The following CDNF variants were observed in gnomAD, a reference collection of about 807,000 sequenced individuals.
CDNF encodes the protein cerebral dopamine neurotrophic factor.
A neutral mutation model predicts 14.8 loss-of-function variants in CDNF; 9 were observed. The observed-to-expected ratio is 0.61, with a 90% CI of 0.37 to 1.06. The LOEUF (loss-of-function observed/expected upper bound fraction) is 1.06. Among genes scored for constraint, CDNF ranks in the 50% least tolerant of loss-of-function variants. The probability of loss-of-function intolerance (pLI) is 0.01; values close to 1 mark genes in which losing one functional copy is unlikely to be tolerated. For synonymous variants in CDNF, 86 were observed against 87.2 expected, an observed-to-expected ratio of 0.99 and a Z score of 0.07; for missense variants, 228 against 228.4, an observed-to-expected ratio of 1.00 and a Z score of 0.01.
Position 14,828,149 on chromosome 10 carries a change from C to A in CDNF, c.239G>T (p.Arg80Leu). 6.2e-7 allele frequency: 1 copy of A among 1,613,600 alleles called. No individual in the cohort carries two copies. Among genetic ancestry groups the A allele is most frequent in the South Asian group, 1.1e-5 (1 of 91,030 alleles). The change falls in exon 2 of 4, where the codon CGC (arginine) becomes CTC (leucine). Residue 80 changes from arginine (R) to leucine (L), a missense_variant. Transcript: ENST00000465530. ...GAAAGGTGAAATTTACTATACCAGG[C>A]GGTTTTCTTTTCCTTTGGTGTCCAA... The part of the protein sequence containing the change: ...FCLDTKGKEN[R>L]LCYYLGATKD...
intron 2 of CDNF, among the ~76,000 whole-genome samples, chr10:14,826,108 A>G (rs1261160281): frequency 7.5e-6 from 1 of 133,606 alleles, no homozygotes; most frequent in African/African-American, 2.9e-5. Context: ...CAGCAGCAGC[A>G]GCAGCAGCAG....
Position 14,837,969 on chromosome 10 carries a change from C to T in CDNF, c.-23G>A, listed in dbSNP as rs769236133. 9 of 1,537,552 alleles carry T rather than the reference C, an allele frequency of 5.9e-6. No homozygotes were observed. Among genetic ancestry groups the T allele is most frequent in the East Asian group, 4.7e-5 (2 of 42,344 alleles). On this transcript the variant is annotated 5_prime_UTR_variant, in exon 1 of 4. Transcript: ENST00000465530. ...CATGCTGGGCCAGCAGCTTCAATCGCCTCCGCCACCCGCGCCCACCGCCCA... is the reference window on the plus strand; with the variant it reads ...CATGCTGGGCCAGCAGCTTCAATCGTCTCCGCCACCCGCGCCCACCGCCCA...
rs536334030 is a variant in CDNF at position 14,826,143 on chromosome 10, GAGA to G, written c.244-526_244-524del. Reference sequence around the variant, plus strand: ...GCAGCAGAAGCAGGAGAAGGAGAAGGAGAAGGAGAAGAAGAAGAAGAAGCAGAA... The same window carrying G: ...GCAGCAGAAGCAGGAGAAGGAGAAGGAGGAGAAGAAGAAGAAGAAGCAGAA... On this transcript the variant is annotated intron_variant, in intron 2 of 3. Coordinates refer to ENST00000465530, the MANE Select transcript of CDNF (RefSeq NM_001029954.3). Among the ~76,000 whole-genome samples, 3 of 135,816 alleles carry G rather than the reference GAGA, an allele frequency of 2.2e-5. No homozygotes were observed. In the South Asian group the frequency reaches 6.8e-4, roughly 31 times the overall value. The allele number at this position is 135,816 out of a possible 152,430, so 89.1% of individuals were successfully genotyped here.
Position 14,825,616 on chromosome 10 carries a change from T to C in CDNF, c.248A>G (p.Tyr83Cys). Reference protein sequence around the residue: ...DTKGKENRLCYYLGATKDAAT... With the variant: ...DTKGKENRLCCYLGATKDAAT... ...TGCGTCTTTTGTGGCTCCTAGATAA[T>C]AGCACTGAAGGAAAATGAAGAGAAT... Residue 83 changes from tyrosine to cysteine, a missense_variant, in exon 3 of 4, where the codon TAT (tyrosine) becomes TGT (cysteine). Tyr to Cys is a radical substitution (Grantham distance 194). Coordinates refer to ENST00000465530, the MANE Select transcript of CDNF (RefSeq NM_001029954.3). 1 of 1,613,658 alleles carries C rather than the reference T, an allele frequency of 6.2e-7. No individual in the cohort carries two copies. Among genetic ancestry groups the C allele is most frequent in the Non-Finnish European group, 8.5e-7 (1 of 1,179,840 alleles).
chr10:14,837,112 G>A (rs1035958812), intron 1 of CDNF, among the ~76,000 whole-genome samples: 1 of 152,194 alleles, frequency 6.6e-6, no homozygotes, highest in African/African-American at 2.4e-5. Context: ...CATGGAGTGA[G>A]CGCTACAGGA....
At chr10:14,829,709 A>C (rs2131626210) in intron 1 of CDNF, among the ~76,000 whole-genome samples, 1 of 152,212 alleles carries the variant, frequency 6.6e-6, no homozygotes, top group East Asian at 1.9e-4. Context: ...AACTCTCTGC[A>C]ACCTCTGCCT....
At chr10:14,826,032 A>AAGGAGCAGGAGAAGGAGCAGGAGAAGG (rs1244755400) in intron 2 of CDNF, among the ~76,000 whole-genome samples, 1 of 42,068 alleles carries the variant, frequency 2.4e-5, no homozygotes, top group African/African-American at 7.1e-5. Flanking sequence ...GAAGAAGGAG[A>AAGGAGCAGGAGAAGGAGCAGGAGAAGG]AGAAGAAGAA....
chr10:14,822,357 C>A (rs1352832524), intron 3 of CDNF, among the ~76,000 whole-genome samples: 1 of 152,160 alleles, frequency 6.6e-6, no homozygotes, highest in African/African-American at 2.4e-5. Flanking sequence ...ATAATAAGCT[C>A]ATCTGTAATA....
At chr10:14,826,986 C>A (rs888021495) in intron 2 of CDNF, among the ~76,000 whole-genome samples, 10 of 126,456 alleles carry the variant, frequency 7.9e-5, no homozygotes, top group Non-Finnish European at 1.6e-4. Context: ...GAGGCCAAGG[C>A]GGGTGAATCA....
chr10:14,825,657 A>G, intron 2 of CDNF, 37 bp from the exon 3 acceptor site: 1 of 1,603,458 alleles, frequency 6.2e-7, no homozygotes, highest in Non-Finnish European at 8.5e-7. Context: ...GTTCCAGACA[A>G]TGAAGACATT....
At chr10:14,833,751 GAGACAC>G (rs1284872025) in intron 1 of CDNF, among the ~76,000 whole-genome samples, 1 of 152,064 alleles carries the variant, frequency 6.6e-6, no homozygotes, top group Non-Finnish European at 1.5e-5. Flanking sequence ...AGACGGAAAA[GAGACAC>G]AGTCCTGGGT....
intron 1 of CDNF, among the ~76,000 whole-genome samples, chr10:14,836,944 C>CA (rs1415233774): frequency 5.3e-5 from 8 of 151,902 alleles, no homozygotes; most frequent in Non-Finnish European, 1.0e-4. Context: ...AAAACAAAAA[C>CA]AAAAAACAAA....
At chr10:14,823,216 T>A (rs529665355) in intron 3 of CDNF, among the ~76,000 whole-genome samples, 4 of 152,298 alleles carry the variant, frequency 2.6e-5, no homozygotes, top group South Asian at 4.1e-4. Flanking sequence ...ATGTCAGTAG[T>A]TTCTTTGAGT....
Position 14,826,029 on chromosome 10 carries a change from G to GAGAAGGAGAAGAAGAAGAAGA in CDNF, c.244-410_244-409insTCTTCTTCTTCTTCTCCTTCT, listed in dbSNP as rs1554764000. Among the ~76,000 whole-genome samples the GAGAAGGAGAAGAAGAAGAAGA allele has an allele frequency of 3.8e-4, 33 of 86,204 alleles. 2 individuals are homozygous for GAGAAGGAGAAGAAGAAGAAGA. The highest frequency in any genetic ancestry group is 1.3e-3 in the African/African-American group (25 of 19,304). 56.6% of individuals were successfully genotyped at this position (86,204 alleles called of 152,430 possible). A position where few individuals can be genotyped will look rare whatever the true frequency, so the allele number is the denominator to read the frequency against. ...GAAGCAGAAGCAGAAGAAGAAGAAGGAGAAGAAGAAGAAGAAGAAGAAGAA... is the reference window on the plus strand; with the variant it reads ...GAAGCAGAAGCAGAAGAAGAAGAAGGAGAAGGAGAAGAAGAAGAAGAAGAAGAAGAAGAAGAAGAAGAAGAA... On this transcript the variant is annotated intron_variant, in intron 2 of 3. Coordinates refer to ENST00000465530, the MANE Select transcript of CDNF (RefSeq NM_001029954.3).
At position 14,837,855 on chromosome 10, in the gene CDNF, C is replaced by T. The variant is rs1307514501; in HGVS notation, c.92G>A (p.Gly31Glu). ...ACCTTCACAGTCGGCCCCTGGCCGC[C>T]CCCCGGCCTCCTGGCCCTGCGTCAG... ...PVLTQGQEAG[G>E]RPGADCEVCK... Residue 31 changes from glycine to glutamate, a missense_variant, in exon 1 of 4, where the codon GGG becomes GAG. Gly to Glu is a moderately conservative substitution (Grantham distance 98, BLOSUM62 -2). Transcript: ENST00000465530. The T allele has an allele frequency of 2.5e-6, 4 of 1,599,030 alleles. No homozygotes were observed. The highest frequency in any genetic ancestry group is 3.4e-6 in the Non-Finnish European group (4 of 1,175,296).
chr10:14,827,106 G>A (rs535450344), intron 2 of CDNF, among the ~76,000 whole-genome samples: 1 of 149,566 alleles, frequency 6.7e-6, no homozygotes, highest in East Asian at 2.0e-4. Flanking sequence ...ATGGTGGCAT[G>A]TGCCTTAGTC....
At chr10:14,833,521 A>G (rs1437790753) in intron 1 of CDNF, among the ~76,000 whole-genome samples, 1 of 152,250 alleles carries the variant, frequency 6.6e-6, no homozygotes, top group Admixed American at 6.5e-5. Flanking sequence ...TATTACAGAT[A>G]TTAAGAAGAT....
intron 1 of CDNF, among the ~76,000 whole-genome samples, chr10:14,830,842 G>A (rs546445219): frequency 3.9e-5 from 6 of 152,084 alleles, no homozygotes; most frequent in South Asian, 2.1e-4. Context: ...GTGAAACTCC[G>A]TCTCAAAAAA....
At chr10:14,821,244 C>T (rs1160330735) in intron 3 of CDNF, among the ~76,000 whole-genome samples, 1 of 152,124 alleles carries the variant, frequency 6.6e-6, no homozygotes, top group Non-Finnish European at 1.5e-5. Flanking sequence ...CCTGTCTCAG[C>T]CTCCCAAGTA....
Sources: allele counts gnomAD v4.1 joint callset (sites outside exome capture counted in the v4.1 genomes callset), GRCh38; gene constraint gnomAD v4.1.1; transcripts MANE v1.5; gene names NCBI Gene and HGNC (gene_info 2026-07-23, HGNC 2026-07-21).